ATP2A2: variants seen among roughly 807,000 people sequenced by gnomAD.
ATP2A2 encodes the protein ATPase sarcoplasmic/endoplasmic reticulum Ca2+ transporting 2.
A neutral mutation model predicts 109.3 loss-of-function variants in ATP2A2; 14 were observed. The ratio of observed to expected loss-of-function variants is 0.13; its 90% CI spans 0.08 to 0.20. The LOEUF is 0.20. ATP2A2 is among the 10% of genes least tolerant of loss of function. The pLI, the probability that ATP2A2 is intolerant of heterozygous loss-of-function variation, is 1.00. For synonymous variants in ATP2A2, 506 were observed against 490.9 expected, an observed-to-expected ratio of 1.03 and a Z score of -0.41; for missense variants, 657 against 1,321.6, an observed-to-expected ratio of 0.50 and a Z score of 7.80.
intron 11 of ATP2A2, among the ~76,000 whole-genome samples, chr12:110,335,815 C>CTT (rs1405138689): frequency 6.6e-6 from 1 of 152,232 alleles, no homozygotes; most frequent in East Asian, 1.9e-4. Flanking sequence ...GTAAGTCAGG[C>CTT]TCTCAAAGTC....
chr12:110,332,413 TTAAGC>T, intron 8 of ATP2A2, 179 bp from the exon 9 acceptor site: 2 of 637,040 alleles, frequency 3.1e-6, no homozygotes, highest in Non-Finnish European at 5.7e-6. Context: ...TCTAATATAA[TTAAGC>T]TAGTTAGGGT....
rs1362308016 is a variant in ATP2A2 at position 110,316,935 on chromosome 12, A to G, written c.464-6057A>G. 2.0e-5 allele frequency among the ~76,000 whole-genome samples: 3 copies of G among 152,192 alleles called. No individual in the cohort carries two copies. In the East Asian group the frequency reaches 5.8e-4, roughly 29 times the overall value. On this transcript the variant is annotated intron_variant, in intron 5 of 19. Coordinates refer to ENST00000539276, the MANE Select transcript of ATP2A2 (RefSeq NM_170665.4). ...GGGATGCCAAAGAAGCTGTTGAAAG[A>G]TTTTAAAACAGGAGGAGATCACGTT... is the stretch of plus-strand genomic sequence containing the variant.
intron 5 of ATP2A2, among the ~76,000 whole-genome samples, chr12:110,315,027 C>T (rs892804610): frequency 1.7e-4 from 26 of 152,024 alleles, no homozygotes; most frequent in Non-Finnish European, 3.1e-4. Flanking sequence ...CCACCATGCC[C>T]GGCTAATTTT....
Position 110,342,464 on chromosome 12 carries a change from A to G in ATP2A2, c.2318+16A>G. 1 of 1,611,106 alleles carries G rather than the reference A, an allele frequency of 6.2e-7. No individual in the cohort carries two copies. Among genetic ancestry groups the G allele is most frequent in the Non-Finnish European group, 8.5e-7 (1 of 1,178,362 alleles). ...AAGTTGTCTGGTAGGTCTCTGTGAC[A>G]GCATCACTTACTGTACGCCTTTATC... On this transcript the variant is annotated intron_variant, in intron 15 of 19. Transcript: ENST00000539276. The surrounding 1 kb of genome is among the most constrained non-coding windows in gnomAD (Gnocchi z 4.6).
intron 5 of ATP2A2, among the ~76,000 whole-genome samples, chr12:110,308,257 AC>A: frequency 6.6e-6 from 1 of 152,320 alleles, no homozygotes; most frequent in South Asian, 2.1e-4. Flanking sequence ...CTCCAATACA[AC>A]GTTGAAGTAC....
chr12:110,343,470 C>T (rs199800250), intron 16 of ATP2A2, 36 bp downstream of exon 16: 11 of 1,608,006 alleles, frequency 6.8e-6, no homozygotes, highest in Non-Finnish European at 7.7e-6. Flanking sequence ...GATTTTTAAA[C>T]AAAATGTTTG....
chr12:110,307,570 A>G (rs1383710649), intron 5 of ATP2A2, among the ~76,000 whole-genome samples: 3 of 152,024 alleles, frequency 2.0e-5, no homozygotes, highest in African/African-American at 7.2e-5. Context: ...ATGACATCTC[A>G]TTGTGGTTTT....
At position 110,349,130 on chromosome 12, in the gene ATP2A2, T is replaced by C. The variant is rs1053901655; in HGVS notation, c.*2660T>C. 9.1e-6 allele frequency: 9 copies of C among 985,484 alleles called. No individual in the cohort carries two copies. The highest frequency in any genetic ancestry group is 1.1e-5 in the Non-Finnish European group (9 of 829,966). 61.0% of individuals were successfully genotyped at this position (985,484 alleles called of 1,614,324 possible). A position where few individuals can be genotyped will look rare whatever the true frequency, so the allele number is the denominator to read the frequency against. The stretch of plus-strand genomic sequence containing the variant: ...ACAGCTGGGAGTGGGTTAGGCCCAC[T>C]GCTGTTTTGAGCAGGGCCACTTGCT... On this transcript the variant is annotated 3_prime_UTR_variant, in exon 20 of 20. Coordinates refer to ENST00000539276, the MANE Select transcript of ATP2A2 (RefSeq NM_170665.4).
rs1878516855 is a variant in ATP2A2, at chr12:110,333,179, A to G, written c.1185-2A>G. On this transcript the variant is annotated splice_acceptor_variant, in intron 9 of 19. Transcript: ENST00000539276. LOFTEE classifies it high-confidence loss of function. ...CTCTAAGAGTGTTTTCTCTTTGGGC[A>G]GGCATAAAGATGATAAACCAGTGAA... 6.2e-7 allele frequency: 1 copy of G among 1,612,128 alleles called. No individual in the cohort carries two copies.
Position 110,339,710 on chromosome 12 carries a change from A to G in ATP2A2, c.1750A>G (p.Ile584Val). The change falls in exon 13 of 20, where the codon ATT becomes GTT. Residue 584 changes from isoleucine to valine, a missense_variant. Around this residue, in one of 9 missense-constraint regions of ATP2A2, gnomAD observed 180 missense variants for 329.1 expected, o/e 0.55. Transcript: ENST00000539276. This position sits in a 1 kb window ranked among gnomAD's most constrained non-coding sequence, Gnocchi z 4.4. Reference sequence around the variant, plus strand: ...GCACCTTGAGGACTCTGCCAACTTTATTAAATATGAGGTTAGCTAATGAAA... The same window carrying G: ...GCACCTTGAGGACTCTGCCAACTTTGTTAAATATGAGGTTAGCTAATGAAA... ...EMHLEDSANF[I>V]KYETNLTFVG... 2 of 1,613,992 alleles carry G rather than the reference A, an allele frequency of 1.2e-6. No individual in the cohort carries two copies. The highest frequency in any genetic ancestry group is 1.7e-6 in the Non-Finnish European group (2 of 1,180,020).
At chr12:110,300,204 T>TTA (rs1874451500) in intron 5 of ATP2A2, among the ~76,000 whole-genome samples, 1 of 134,922 alleles carries the variant, frequency 7.4e-6, no homozygotes, top group Admixed American at 7.3e-5. Flanking sequence ...TTTTTTTTTT[T>TTA]AACTTGGAGA....
intron 5 of ATP2A2, among the ~76,000 whole-genome samples, chr12:110,314,197 G>A (rs1234400361): frequency 3.9e-5 from 6 of 151,974 alleles, no homozygotes; most frequent in Admixed American, 6.5e-5. Flanking sequence ...GCATGGTAGC[G>A]CTTGCCTGTA....
At position 110,281,603 on chromosome 12, in the gene ATP2A2, C is replaced by T. The variant is rs978569394; in HGVS notation, c.-187C>T. 9 of 367,052 alleles carry T rather than the reference C, an allele frequency of 2.5e-5. No homozygotes were observed. Among genetic ancestry groups the T allele is most frequent in the African/African-American group, 1.5e-4 (7 of 45,948 alleles). The allele number at this position is 367,052 out of a possible 1,614,324, so 22.7% of individuals were successfully genotyped here. ...GCGGAGCTCGGGGCCGCGCGAGGGG[C>T]GGTTGTCTGGGGGAGGGGGCGCGGG... On this transcript the variant is annotated 5_prime_UTR_variant, in exon 1 of 20. Coordinates refer to ENST00000539276, the MANE Select transcript of ATP2A2 (RefSeq NM_170665.4).
intron 11 of ATP2A2, among the ~76,000 whole-genome samples, chr12:110,337,535 C>T (rs1055994157): frequency 1.3e-5 from 2 of 152,240 alleles, no homozygotes; most frequent in Non-Finnish European, 1.5e-5. Context: ...CTGCCTGAGA[C>T]GGTTCAGTGG....
At chr12:110,293,852 G>A (rs1202343275) in intron 4 of ATP2A2, among the ~76,000 whole-genome samples, 165 of 122,750 alleles carry the variant, frequency 1.3e-3, no homozygotes, top group Non-Finnish European at 2.1e-3. Context: ...GTGTGTGTGT[G>A]TGTGTGTGTG....
intron 5 of ATP2A2, among the ~76,000 whole-genome samples, chr12:110,303,192 A>G (rs2137741396): frequency 6.6e-6 from 1 of 152,324 alleles, no homozygotes; most frequent in African/African-American, 2.4e-5. Flanking sequence ...GTGCAGAACA[A>G]ACAGTTGAAG....
chr12:110,319,634 A>T (rs1332745790), intron 5 of ATP2A2, among the ~76,000 whole-genome samples: 1 of 148,552 alleles, frequency 6.7e-6, no homozygotes, highest in African/African-American at 2.4e-5. Flanking sequence ...ATACTATATT[A>T]TATATTAATA....
intron 16 of ATP2A2, 94 bp from the exon 17 acceptor site, chr12:110,344,792 T>C: frequency 8.0e-7 from 1 of 1,245,894 alleles, no homozygotes; most frequent in Non-Finnish European, 1.2e-6. Context: ...CCCATGTCTT[T>C]GATCTTCGTC....
chr12:110,284,781 A>G (rs976580735), intron 3 of ATP2A2, among the ~76,000 whole-genome samples: 4 of 152,134 alleles, frequency 2.6e-5, no homozygotes, highest in African/African-American at 9.7e-5. Flanking sequence ...TTTTTATTTT[A>G]TGAGTTGGTA....
Sources: gnomAD v4.1 joint callset for allele counts (sites outside exome capture counted in the v4.1 genomes callset) on GRCh38, gnomAD v4.1.1 for gene constraint, gnomAD v4.1.1 regional missense constraint, Gnocchi (gnomAD v3.1) non-coding constraint, MANE v1.5 for transcripts, NCBI Gene and HGNC (gene_info 2026-07-23, HGNC 2026-07-21) for gene names.